The following UPF2 variants were observed in gnomAD, a reference collection of about 807,000 sequenced individuals.
UPF2 encodes the protein regulator of nonsense transcripts 2.
In UPF2, 17 loss-of-function variants were observed where a neutral mutation model predicts 141.4. The observed-to-expected ratio is 0.12, with a 90% confidence interval of 0.08 to 0.18. The LOEUF is 0.18. Among genes scored for constraint, UPF2 ranks in the 10% least tolerant of loss-of-function variants. The pLI is 1.00. For synonymous variants in UPF2, 540 were observed against 498.0 expected, an observed-to-expected ratio of 1.08 and a Z score of -1.12; for missense variants, 1,152 against 1,515.9, an observed-to-expected ratio of 0.76 and a Z score of 3.99.
In UPF2 at chr10:11,940,507, C is replaced by G. The variant is rs747602097; in HGVS notation, c.3378+2158G>C. ...CCACTTGGACACCTCAAAGGCTTCT[C>G]AAGTGGACACGGCCAAAGGGAAACT... On this transcript the variant is annotated intron_variant, in intron 18 of 21. Transcript: ENST00000357604. This position sits in a 1 kb window ranked among gnomAD's most constrained non-coding sequence, Gnocchi z 4.2. Among the ~76,000 whole-genome samples the G allele has an allele frequency of 6.6e-6, 1 of 152,114 alleles. No homozygotes were observed. The highest frequency in any genetic ancestry group is 1.9e-4 in the East Asian group (1 of 5,198).
rs1460936904 is a variant in UPF2 at position 11,998,508 on chromosome 10, G to C, written c.1759-751C>G. ...AGGGATCCTCCTGCCTCAGCTCCCG[G>C]CCAAGCAGCTGAGACTATAGGCATG... is the stretch of plus-strand genomic sequence containing the variant. On this transcript the variant is annotated intron_variant, in intron 7 of 21. Coordinates refer to ENST00000357604, the MANE Select transcript of UPF2 (RefSeq NM_015542.4). The surrounding 1 kb of genome is among the most constrained non-coding windows in gnomAD (Gnocchi z 4.5). 6.6e-6 allele frequency among the ~76,000 whole-genome samples: 1 copy of C among 151,980 alleles called. No homozygotes were observed. Among genetic ancestry groups the C allele is most frequent in the African/African-American group, 2.4e-5 (1 of 41,394 alleles).
intron 12 of UPF2, among the ~76,000 whole-genome samples, chr10:11,958,831 T>C (rs1249004284): frequency 9.9e-5 from 15 of 152,184 alleles, no homozygotes; most frequent in Non-Finnish European, 1.9e-4. Context: ...TTATAACGTC[T>C]ACTAAAGGTT....
At chr10:12,007,552 C>T (rs560086652) in intron 4 of UPF2, among the ~76,000 whole-genome samples, 2 of 152,112 alleles carry the variant, frequency 1.3e-5, no homozygotes, top group African/African-American at 2.4e-5. Context: ...TTCCGTCGGC[C>T]GGGCACAGTG....
In UPF2 at chr10:12,031,173, C is replaced by CAAAAAAA. The variant is rs1230080718; in HGVS notation, c.366-1656_366-1650dup. On this transcript the variant is annotated intron_variant, in intron 2 of 21. Transcript: ENST00000357604. ...TGGGCGAAAGAGCAAGACTCCATCT[C>CAAAAAAA]AAAAAAAAAAAAAAAAACAAAACAG... Among the ~76,000 whole-genome samples, 5 of 29,896 alleles carry CAAAAAAA rather than the reference C, an allele frequency of 1.7e-4. 2 individuals are homozygous for CAAAAAAA. The allele number at this position is 29,896 out of a possible 152,430, so 19.6% of individuals were successfully genotyped here.
Position 11,936,497 on chromosome 10 carries a change from C to G in UPF2, c.3546+48G>C, listed in dbSNP as rs768549538. The G allele has an allele frequency of 7.9e-6, 12 of 1,524,316 alleles. No homozygotes were observed. The African/African-American group carries it at 1.7e-4, about 21-fold the overall frequency. 94.4% of individuals were successfully genotyped at this position (1,524,316 alleles called of 1,614,324 possible). A position where few individuals can be genotyped will look rare whatever the true frequency, so the allele number is the denominator to read the frequency against. ...AGGTCAAAGATAAGTTAAAACCTAA[C>G]TGTATAACTCACAATCAGCTATAAT... is the stretch of plus-strand genomic sequence containing the variant. On this transcript the variant is annotated intron_variant, in intron 19 of 21. Transcript: ENST00000357604. The surrounding 1 kb of genome is among the most constrained non-coding windows in gnomAD (Gnocchi z 6.6).
chr10:12,002,022 G>C (rs911457711), intron 5 of UPF2, among the ~76,000 whole-genome samples, 197 bp from the exon 6 acceptor site: 2 of 152,148 alleles, frequency 1.3e-5, no homozygotes, highest in East Asian at 3.9e-4. Context: ...TGTAATCCCA[G>C]CACTTTGGGA....
intron 10 of UPF2, among the ~76,000 whole-genome samples, chr10:11,965,521 G>A (rs938456715): frequency 6.6e-6 from 1 of 152,062 alleles, no homozygotes; most frequent in Non-Finnish European, 1.5e-5. Flanking sequence ...GTGCAGTGGC[G>A]CAATCTCGGC....
intron 14 of UPF2, among the ~76,000 whole-genome samples, chr10:11,954,537 G>C: frequency 6.6e-6 from 1 of 151,202 alleles, no homozygotes. Flanking sequence ...TGGAGGCTGA[G>C]GCAGGAGAAT....
At chr10:11,972,743 T>C (rs1306969852) in intron 9 of UPF2, among the ~76,000 whole-genome samples, 1 of 152,206 alleles carries the variant, frequency 6.6e-6, no homozygotes, top group Non-Finnish European at 1.5e-5. Flanking sequence ...TAGTATTCCA[T>C]GGTGTATAAT....
In UPF2 at chr10:12,019,770, C is replaced by T. The variant is rs548621137; in HGVS notation, c.1146-5586G>A. Among the ~76,000 whole-genome samples, 9 of 152,280 alleles carry T rather than the reference C, an allele frequency of 5.9e-5. No homozygotes were observed. Among genetic ancestry groups the T allele is most frequent in the African/African-American group, 1.7e-4 (7 of 41,576 alleles). On this transcript the variant is annotated intron_variant, in intron 3 of 21. Coordinates refer to ENST00000357604, the MANE Select transcript of UPF2 (RefSeq NM_015542.4). The surrounding 1 kb of genome is among the most constrained non-coding windows in gnomAD (Gnocchi z 4.5). The stretch of plus-strand genomic sequence containing the variant: ...ATGGATTCTCGCTCTGCTGCCCAGG[C>T]TGGAGTGTAGTGGTGCAATCTGAGC...
intron 3 of UPF2, among the ~76,000 whole-genome samples, chr10:12,024,137 A>T (rs1834367352): frequency 6.6e-6 from 1 of 152,170 alleles, no homozygotes; most frequent in African/African-American, 2.4e-5. Flanking sequence ...CCCATTATTT[A>T]GTCCTATGAT....
intron 8 of UPF2, among the ~76,000 whole-genome samples, chr10:11,981,925 C>G (rs1333660323): frequency 6.6e-5 from 10 of 152,176 alleles, no homozygotes; most frequent in Non-Finnish European, 1.0e-4. Context: ...ACCTTGTGAT[C>G]CATCCGCCTT....
chr10:12,018,398 C>T lies in UPF2; in HGVS notation c.1146-4214G>A, dbSNP rs563083779. Among the ~76,000 whole-genome samples, 11 of 152,056 alleles carry T rather than the reference C, an allele frequency of 7.2e-5. No homozygotes were observed. In the South Asian group the frequency reaches 1.9e-3, roughly 26 times the overall value. Reference sequence around the variant, plus strand: ...GAGTTCAAGATCACCCTGACCAACACGGTGAAACTCCATCTCTGCTAAAAA... The same window carrying T: ...GAGTTCAAGATCACCCTGACCAACATGGTGAAACTCCATCTCTGCTAAAAA... On this transcript the variant is annotated intron_variant, in intron 3 of 21. Coordinates refer to ENST00000357604, the MANE Select transcript of UPF2 (RefSeq NM_015542.4).
chr10:12,029,831 G>T (rs577759638), intron 2 of UPF2, among the ~76,000 whole-genome samples: 1 of 151,882 alleles, frequency 6.6e-6, no homozygotes, highest in Non-Finnish European at 1.5e-5. Flanking sequence ...GCGTGATGGC[G>T]CTCACCTGTA....
intron 19 of UPF2, among the ~76,000 whole-genome samples, chr10:11,933,718 T>A (rs1832808836): frequency 6.6e-6 from 1 of 152,256 alleles, no homozygotes. Context: ...TTGATTAATT[T>A]ATTTTCAATT....
chr10:11,957,708 G>A (rs1178228039), intron 12 of UPF2, among the ~76,000 whole-genome samples: 1 of 152,020 alleles, frequency 6.6e-6, no homozygotes, highest in Non-Finnish European at 1.5e-5. Context: ...GTAGAAATGA[G>A]GGTTTCGCCA....
At position 11,939,745 on chromosome 10, in the gene UPF2, G is replaced by C. The variant is rs1588528305; in HGVS notation, c.3378+2920C>G. Among the ~76,000 whole-genome samples the C allele has an allele frequency of 1.3e-5, 2 of 152,090 alleles. No homozygotes were observed. The highest frequency in any genetic ancestry group is 4.2e-4 in the South Asian group (2 of 4,814). ...TTGGCCAGGCTGGTCTTGAACTCCT[G>C]ACCTCAGGTGATCCACCCGCCTCGG... On this transcript the variant is annotated intron_variant, in intron 18 of 21. Transcript: ENST00000357604. This position sits in a 1 kb window ranked among gnomAD's most constrained non-coding sequence, Gnocchi z 4.8.
rs1564335746 is a variant in UPF2, at chr10:11,934,556, T to TGA, written c.3546+1988_3546+1989insTC. Reference sequence around the variant, plus strand: ...TCAATACATGAGTCATGCCGTGAAGTCTTTGCCAGCTCCACACTCCATGAT... The same window carrying TGA: ...TCAATACATGAGTCATGCCGTGAAGTGACTTTGCCAGCTCCACACTCCATGAT... On this transcript the variant is annotated intron_variant, in intron 19 of 21. Coordinates refer to ENST00000357604, the MANE Select transcript of UPF2 (RefSeq NM_015542.4). 7.9e-5 allele frequency among the ~76,000 whole-genome samples: 12 copies of TGA among 152,288 alleles called. No homozygotes were observed. In the East Asian group the frequency reaches 2.3e-3, roughly 29 times the overall value.
chr10:11,925,432 A>T (rs1832700162), intron 21 of UPF2, among the ~76,000 whole-genome samples: 2 of 152,384 alleles, frequency 1.3e-5, no homozygotes, highest in South Asian at 2.1e-4. Context: ...GAGAACGTTT[A>T]TTCAGTGACT....
Sources: allele counts gnomAD v4.1 joint callset (sites outside exome capture counted in the v4.1 genomes callset), GRCh38; gene constraint gnomAD v4.1.1; non-coding constraint Gnocchi (gnomAD v3.1); transcripts MANE v1.5; gene names NCBI Gene and HGNC (gene_info 2026-07-23, HGNC 2026-07-21).